CLVS1: variants seen among roughly 807,000 people sequenced by gnomAD.
CLVS1 encodes clavesin-1.
In CLVS1, 10 loss-of-function variants were observed where a neutral mutation model predicts 33.1. The observed-to-expected ratio is 0.30, with a 90% CI of 0.19 to 0.51. CLVS1 has a LOEUF of 0.51. Ranked by LOEUF, CLVS1 falls within the 20% of genes least tolerant of loss-of-function variation. The pLI, the probability that CLVS1 is intolerant of heterozygous loss-of-function variation, is 0.97. For missense variants in CLVS1, 343 were observed against 433.4 expected (o/e 0.79, Z 1.85); for synonymous variants, 163 against 166.1 (o/e 0.98, Z 0.14).
chr8:61,444,448 A>G (rs1816680609), intron 3 of CLVS1, among the ~76,000 whole-genome samples: 1 of 152,198 alleles, frequency 6.6e-6, no homozygotes, highest in African/African-American at 2.4e-5. Context: ...TCAGTGTTGA[A>G]TTTTGCCAAA....
chr8:61,027,226 G>A, the CLVS1 span, among the ~76,000 whole-genome samples: 1 of 152,036 alleles, frequency 6.6e-6, no homozygotes, highest in Non-Finnish European at 1.5e-5. Context: ...TCTTGAGGAG[G>A]CTCACACTGT....
chr8:61,458,349 A>G lies in CLVS1; in HGVS notation c.784A>G (p.Ile262Val). 6.2e-7 allele frequency: 1 copy of G among 1,614,150 alleles called. No individual in the cohort carries two copies. The highest frequency in any genetic ancestry group is 1.1e-5 in the South Asian group (1 of 91,088). Residue 262 changes from isoleucine to valine, a missense_variant, in exon 5 of 6, where the codon ATA becomes GTA. Ile to Val is a conservative substitution (Grantham distance 29). Transcript: ENST00000325897. ...CAATTTAAACAGCCTTCACCAGCTA[A>G]TACACCCTGAATTTTTGCCCTCTGA... ...GNNLNSLHQLIHPEFLPSEFG... is the reference protein window; with the variant it reads ...GNNLNSLHQLVHPEFLPSEFG...
intron 3 of CLVS1, among the ~76,000 whole-genome samples, chr8:61,396,578 G>C (rs1440893002): frequency 6.6e-6 from 1 of 152,124 alleles, no homozygotes; most frequent in African/African-American, 2.4e-5. Flanking sequence ...AAAGTGCACA[G>C]TTAGTGCTTT....
chr8:61,419,396 C>CAAAAAAAAAA (rs10635998), intron 3 of CLVS1, among the ~76,000 whole-genome samples: 3 of 70,322 alleles, frequency 4.3e-5, no homozygotes, highest in African/African-American at 1.3e-4. Context: ...GACTCCGTCT[C>CAAAAAAAAAA]AAAAAAAAAA....
At chr8:61,314,830 G>C (rs1033051485) in intron 2 of CLVS1, among the ~76,000 whole-genome samples, 6 of 152,174 alleles carry the variant, frequency 3.9e-5, no homozygotes, top group African/African-American at 1.4e-4. Flanking sequence ...AGCCTGCTTT[G>C]AAAACTCCTC....
At chr8:61,118,629 A>G (rs1275164296) in intron 1 of CLVS1, among the ~76,000 whole-genome samples, 1 of 151,364 alleles carries the variant, frequency 6.6e-6, no homozygotes, top group African/African-American at 2.4e-5. Flanking sequence ...TTCGTTATGT[A>G]CCCAGTAGTC....
At chr8:61,280,033 A>G (rs942107262) in intron 2 of CLVS1, among the ~76,000 whole-genome samples, 2 of 152,180 alleles carry the variant, frequency 1.3e-5, no homozygotes, top group Non-Finnish European at 2.9e-5. Flanking sequence ...ACACATTGTT[A>G]TTCATATTAT....
chr8:61,051,005 C>T, the CLVS1 span, among the ~76,000 whole-genome samples: 1 of 152,336 alleles, frequency 6.6e-6, no homozygotes, highest in South Asian at 2.1e-4. Context: ...TGAGGAGTGA[C>T]CTCCTCTGAT....
intron 1 of CLVS1, among the ~76,000 whole-genome samples, chr8:61,058,525 A>G (rs1345930266): frequency 6.6e-6 from 1 of 152,228 alleles, no homozygotes; most frequent in African/African-American, 2.4e-5. Context: ...AATGGAGGGC[A>G]TGTACTTTTT....
At chr8:61,021,802 G>T in the CLVS1 span, among the ~76,000 whole-genome samples, 1 of 152,070 alleles carries the variant, frequency 6.6e-6, no homozygotes, top group African/African-American at 2.4e-5. Flanking sequence ...ACTGAGTTTT[G>T]AGTTATGAAT....
chr8:61,009,736 G>A, the CLVS1 span, among the ~76,000 whole-genome samples: 12 of 152,178 alleles, frequency 7.9e-5, no homozygotes, highest in Non-Finnish European at 1.5e-4. Flanking sequence ...CTATCAGTGA[G>A]CTTTTGCACT....
chr8:61,200,156 T>C (rs990929535), intron 2 of CLVS1, among the ~76,000 whole-genome samples: 15 of 152,234 alleles, frequency 9.9e-5, no homozygotes, highest in African/African-American at 2.4e-4. Flanking sequence ...TTCATTCTTG[T>C]TGCCCAGGCT....
At chr8:61,382,617 G>A (rs1447998293) in intron 3 of CLVS1, among the ~76,000 whole-genome samples, 1 of 152,188 alleles carries the variant, frequency 6.6e-6, no homozygotes, top group Admixed American at 6.6e-5. Context: ...ATAGTAGAAC[G>A]TGATGGATAT....
intron 1 of CLVS1, among the ~76,000 whole-genome samples, chr8:61,103,753 G>A (rs1805488137): frequency 6.6e-6 from 1 of 152,190 alleles, no homozygotes; most frequent in African/African-American, 2.4e-5. Context: ...TTAGGCTTGT[G>A]CCAATTCATT....
intron 3 of CLVS1, among the ~76,000 whole-genome samples, chr8:61,392,853 T>C (rs530947533): frequency 1.3e-5 from 2 of 149,998 alleles, no homozygotes; most frequent in Non-Finnish European, 2.9e-5. Context: ...AAAAAAAACA[T>C]ATATTTTAAA....
chr8:61,139,452 G>A (rs1362008829), intron 2 of CLVS1, among the ~76,000 whole-genome samples: 1 of 152,218 alleles, frequency 6.6e-6, no homozygotes, highest in Non-Finnish European at 1.5e-5. Flanking sequence ...CCTTCTCCGC[G>A]CTTTAAGATG....
rs147183079 is a variant in CLVS1 at position 61,386,265 on chromosome 8, A to G, written c.630+9486A>G. 5.8e-3 allele frequency among the ~76,000 whole-genome samples: 878 copies of G among 152,296 alleles called. 9 individuals carry two copies. Among genetic ancestry groups the G allele is most frequent in the African/African-American group, 0.021 (859 of 41,554 alleles). The stretch of plus-strand genomic sequence containing the variant: ...GTGAGGGTAAGAATTTGCATTTTCA[A>G]CAAATTCCCAGATGATGCTGTAGGT... On this transcript the variant is annotated intron_variant, in intron 3 of 5. Coordinates refer to ENST00000325897, the MANE Select transcript of CLVS1 (RefSeq NM_173519.3).
At chr8:61,352,833 C>T (rs1027908997) in intron 2 of CLVS1, among the ~76,000 whole-genome samples, 6 of 152,022 alleles carry the variant, frequency 3.9e-5, no homozygotes, top group East Asian at 1.9e-4. Context: ...AACACCAACA[C>T]GGCATAACAT....
At chr8:61,122,643 C>T (rs1439017047) in intron 1 of CLVS1, among the ~76,000 whole-genome samples, 2 of 151,006 alleles carry the variant, frequency 1.3e-5, no homozygotes, top group Admixed American at 1.3e-4. Flanking sequence ...TGAAAGACTA[C>T]ACAAAAGTGT....
Sources: allele counts gnomAD v4.1 joint callset (sites outside exome capture counted in the v4.1 genomes callset), GRCh38; gene constraint gnomAD v4.1.1; transcripts MANE v1.5; gene names NCBI Gene and HGNC (gene_info 2026-07-23, HGNC 2026-07-21).